USP35: variants seen among roughly 807,000 people sequenced by gnomAD.
USP35 encodes ubiquitin specific peptidase 35, also known as ubiquitin carboxyl-terminal hydrolase 35.
Under a neutral mutation model 83.8 loss-of-function variants are expected in USP35, and 69 were observed. The ratio of observed to expected loss-of-function variants is 0.82; its 90% CI spans 0.68 to 1.01. USP35 has a LOEUF of 1.01. USP35 is among the 50% of genes least tolerant of loss of function. The pLI is 0.00. For synonymous variants in USP35, 714 were observed against 589.5 expected (o/e 1.21, Z -3.06); for missense variants, 1,503 against 1,362.5 (o/e 1.10, Z -1.62).
intron 4 of USP35, 114 bp from the exon 5 acceptor site, chr11:78,200,019 C>G: frequency 3.5e-6 from 4 of 1,149,108 alleles, no homozygotes; most frequent in Non-Finnish European, 5.2e-6. Context: ...CAGTGTTGAT[C>G]CCTCTGCATG....
At chr11:78,226,209 A>G in the USP35 span, among the ~76,000 whole-genome samples, 29,464 of 152,194 alleles carry the variant, frequency 0.19, 3,084 homozygotes, top group East Asian at 0.4. Context: ...GTTAATCAAG[A>G]ATGTCCTATT....
At position 78,196,356 on chromosome 11, in the gene USP35, G is replaced by A; in HGVS notation, c.111G>A (p.Gln37=). The change falls in exon 2 of 11, where the codon CAG becomes CAA. Residue 37 remains glutamine (Q), a synonymous_variant. Transcript: ENST00000529308. This position sits in a 1 kb window ranked among gnomAD's most constrained non-coding sequence, Gnocchi z 4.8. ...EAARQPLERE[Q]CLALLALGAR... is the part of the protein sequence containing the mutation. ...CGCGGCAGCCGCTGGAGCGTGAGCA[G>A]TGCCTGGCGCTGCTGGCGCTGGGCG... 1.3e-6 allele frequency: 2 copies of A among 1,558,936 alleles called. 1 individual carries two copies. The highest frequency in any genetic ancestry group is 2.3e-5 in the South Asian group (2 of 87,986).
the USP35 span, chr11:78,221,831 T>C: frequency 7.6e-7 from 1 of 1,308,374 alleles, no homozygotes; most frequent in Non-Finnish European, 1.1e-6. Flanking sequence ...GCTGCTGCCA[T>C]GTTTCTAGCC....
At chr11:78,213,098 G>A (rs1001566998) in intron 10 of USP35, among the ~76,000 whole-genome samples, 2 of 152,214 alleles carry the variant, frequency 1.3e-5, no homozygotes, top group Admixed American at 1.3e-4. Flanking sequence ...CAGACCGGGT[G>A]TCACCAACAT....
chr11:78,202,848 G>A (rs1051000554), intron 6 of USP35, among the ~76,000 whole-genome samples: 1 of 152,204 alleles, frequency 6.6e-6, no homozygotes, highest in African/African-American at 2.4e-5. Context: ...CTGTGGCTGG[G>A]TCTGTCTGTT....
chr11:78,192,657 A>G (rs1375339920), intron 1 of USP35, among the ~76,000 whole-genome samples: 1 of 152,248 alleles, frequency 6.6e-6, no homozygotes, highest in African/African-American at 2.4e-5. Context: ...CTTGGAGATC[A>G]GAGCTCTCAT....
In USP35 at chr11:78,197,958, C is replaced by G. The variant is rs762556383; in HGVS notation, c.696C>G (p.Ala232=). The G allele has an allele frequency of 2.8e-5, 46 of 1,614,084 alleles. No homozygotes were observed. The East Asian group carries it at 9.1e-4, about 32-fold the overall frequency. ...SCAEEEPPSS[A]LASVVQHLPL... is the part of the protein sequence containing the mutation. ...CAGAGGAGGAGCCACCATCTAGCGC[C>G]CTGGCCAGCGTGGTCCAGCACCTCC... Residue 232 remains alanine (A), a synonymous_variant, in exon 3 of 11, where the codon GCC becomes GCG. Transcript: ENST00000529308.
At chr11:78,201,376 G>C (rs144906143) in intron 6 of USP35, among the ~76,000 whole-genome samples, 126 of 152,342 alleles carry the variant, frequency 8.3e-4, no homozygotes, top group African/African-American at 2.7e-3. Context: ...GCCCAGGCTG[G>C]GAACTGGGGG....
chr11:78,207,998 C>T (rs1863586497), intron 8 of USP35, among the ~76,000 whole-genome samples: 1 of 152,212 alleles, frequency 6.6e-6, no homozygotes, highest in South Asian at 2.1e-4. Context: ...GGGGCTGTGT[C>T]TGGTGACGGC....
At chr11:78,223,297 A>T in the USP35 span, 1 of 790,256 alleles carries the variant, frequency 1.3e-6, no homozygotes. Context: ...CTCAGATTTT[A>T]CATGATTTGC....
chr11:78,192,751 C>T (rs540618933), intron 1 of USP35, among the ~76,000 whole-genome samples: 7 of 152,306 alleles, frequency 4.6e-5, no homozygotes, highest in Non-Finnish European at 8.8e-5. Flanking sequence ...TTTGATCATT[C>T]GGTTTCATGC....
At chr11:78,204,570 A>AT (rs1211847282) in intron 6 of USP35, among the ~76,000 whole-genome samples, 1 of 152,142 alleles carries the variant, frequency 6.6e-6, no homozygotes, top group African/African-American at 2.4e-5. Context: ...TAGCATGGAT[A>AT]TTTTTGCATC....
chr11:78,214,378 T>TGGGGCCACTGCATGGTTTGGGTG lies in USP35; in HGVS notation c.*569_*570insCCACTGCATGGTTTGGGTGGGGG, dbSNP rs1863983386. ...CTTACCAAGCGCCACTGCATGGTTT[T>TGGGGCCACTGCATGGTTTGGGTG]GGGGGGGGGGGCGGGGGGCTAGCTT... On this transcript the variant is annotated 3_prime_UTR_variant, in exon 11 of 11. Coordinates refer to ENST00000529308, the MANE Select transcript of USP35 (RefSeq NM_020798.4). 6.3e-5 allele frequency: 4 copies of TGGGGCCACTGCATGGTTTGGGTG among 63,544 alleles called. 1 individual carries two copies. In the Admixed American group the frequency reaches 6.8e-4, roughly 11 times the overall value. 3.9% of individuals were successfully genotyped at this position (63,544 alleles called of 1,614,324 possible).
chr11:78,226,766 C>G, the USP35 span: 5 of 1,614,064 alleles, frequency 3.1e-6, no homozygotes, highest in South Asian at 5.5e-5. Context: ...ACTCCCTGCA[C>G]AGGGTGTTGC....
chr11:78,196,498 G>A lies in USP35; in HGVS notation c.253G>A (p.Val85Met), dbSNP rs894857690. 2.4e-6 allele frequency: 3 copies of A among 1,232,082 alleles called. No homozygotes were observed. The African/African-American group carries it at 4.9e-5, about 20-fold the overall frequency. 76.3% of individuals were successfully genotyped at this position (1,232,082 alleles called of 1,614,324 possible). The change falls in exon 2 of 11, where the codon GTG becomes ATG. Residue 85 changes from valine to methionine, a missense_variant. Physicochemically the swap from Val to Met is conservative, Grantham distance 21 (BLOSUM62 1). Transcript: ENST00000529308. This position sits in a 1 kb window ranked among gnomAD's most constrained non-coding sequence, Gnocchi z 4.8. ...VFAEFFSARR[V>M]LRLLQGGAGP... ...CGCCGAGTTCTTCAGCGCGCGTCGC[G>A]TGCTGCGCCTGCTGCAGGGTGGCGC...
Position 78,196,630 on chromosome 11 carries a change from C to A in USP35, c.385C>A (p.Leu129Met). The change falls in exon 2 of 11, where the codon CTG becomes ATG. Residue 129 changes from leucine to methionine, a missense_variant. Coordinates refer to ENST00000529308, the MANE Select transcript of USP35 (RefSeq NM_020798.4). This position sits in a 1 kb window ranked among gnomAD's most constrained non-coding sequence, Gnocchi z 4.8. ...EVFALLRREVLRTVCERPGPA... is the reference protein window; with the variant it reads ...EVFALLRREVMRTVCERPGPA... ...GTTCGCGCTGCTGCGGCGCGAGGTG[C>A]TGCGCACCGTGTGCGAGCGCCCGGG... is the stretch of plus-strand genomic sequence containing the variant. The A allele has an allele frequency of 7.4e-7, 1 of 1,358,694 alleles. No homozygotes were observed. Among genetic ancestry groups the A allele is most frequent in the South Asian group, 1.6e-5 (1 of 60,630 alleles). The allele number at this position is 1,358,694 out of a possible 1,614,324, so 84.2% of individuals were successfully genotyped here.
intron 1 of USP35, among the ~76,000 whole-genome samples, chr11:78,190,359 T>C (rs979285836): frequency 6.6e-6 from 1 of 152,228 alleles, no homozygotes; most frequent in Non-Finnish European, 1.5e-5. Context: ...CTTTCTTGAC[T>C]GATGTTTAAG....
chr11:78,208,948 A>G lies in USP35; in HGVS notation c.1577A>G (p.Lys526Arg), dbSNP rs893239935. The G allele has an allele frequency of 1.4e-5, 23 of 1,614,048 alleles. No individual in the cohort carries two copies. The highest frequency in any genetic ancestry group is 2.7e-5 in the African/African-American group (2 of 74,936). The change falls in exon 9 of 11, where the codon AAG becomes AGG. Residue 526 changes from lysine to arginine, a missense_variant. By Grantham distance (26) the Lys-to-Arg change is conservative. Coordinates refer to ENST00000529308, the MANE Select transcript of USP35 (RefSeq NM_020798.4). ...CAGCAGGACTGCTCGGAGTATCTGA[A>G]GTACCTGCTGGATCGGTAAGGGGGC... The part of the protein sequence containing the change: ...GTQQDCSEYL[K>R]YLLDRLHEEE...
the USP35 span, among the ~76,000 whole-genome samples, chr11:78,221,050 C>A: frequency 6.6e-6 from 1 of 152,234 alleles, no homozygotes; most frequent in African/African-American, 2.4e-5. Flanking sequence ...CTTCAGATGA[C>A]ACGCTCTAGG....
Sources: gnomAD v4.1 joint callset for allele counts (sites outside exome capture counted in the v4.1 genomes callset) on GRCh38, gnomAD v4.1.1 for gene constraint, Gnocchi (gnomAD v3.1) non-coding constraint, MANE v1.5 for transcripts, NCBI Gene and HGNC (gene_info 2026-07-23, HGNC 2026-07-21) for gene names.